The following DCAF5 variants were observed in gnomAD, a reference collection of about 807,000 sequenced individuals.
DCAF5 encodes the protein DDB1 and CUL4 associated factor 5, also known as DDB1- and CUL4-associated factor 5.
In DCAF5, 9 loss-of-function variants were observed where a neutral mutation model predicts 80.7. That is an observed-to-expected ratio of 0.11 (90% CI 0.07 to 0.19). DCAF5 has a LOEUF of 0.19. Ranked by LOEUF, DCAF5 falls within the 10% of genes least tolerant of loss-of-function variation. The pLI is 1.00. For synonymous variants in DCAF5, 433 were observed against 461.9 expected (o/e 0.94, Z 0.80); for missense variants, 842 against 1,205.7 (o/e 0.70, Z 4.47).
At position 69,091,088 on chromosome 14, in the gene DCAF5, T is replaced by C. The variant is rs760175792; in HGVS notation, c.879+586A>G. 12 of 756,846 alleles carry C rather than the reference T, an allele frequency of 1.6e-5. No homozygotes were observed. The African/African-American group carries it at 2.0e-4, about 13-fold the overall frequency. 46.9% of individuals were successfully genotyped at this position (756,846 alleles called of 1,614,324 possible). A position where few individuals can be genotyped will look rare whatever the true frequency, so the allele number is the denominator to read the frequency against. On this transcript the variant is annotated intron_variant, in intron 6 of 8. Transcript: ENST00000341516. ...CCAGCTTTAAGTCAACATCAGCATC[T>C]CCATTCCTGGTGAGACTCAGAAAAG...
At chr14:69,150,025 A>T (rs1326367432) in intron 1 of DCAF5, among the ~76,000 whole-genome samples, 2 of 152,242 alleles carry the variant, frequency 1.3e-5, no homozygotes, top group South Asian at 2.1e-4. Context: ...TCTGAAGCAA[A>T]CAGGAGGAAC....
chr14:69,080,648 C>T (rs895808293), intron 6 of DCAF5, among the ~76,000 whole-genome samples: 1 of 152,144 alleles, frequency 6.6e-6, no homozygotes, highest in Non-Finnish European at 1.5e-5. Flanking sequence ...GAGCAAAATG[C>T]TTCTGGCCTA....
chr14:69,097,672 C>T (rs1159379135), intron 5 of DCAF5, among the ~76,000 whole-genome samples: 2 of 150,956 alleles, frequency 1.3e-5, no homozygotes, highest in South Asian at 2.1e-4. Flanking sequence ...CTGCAAGTTC[C>T]GCCTCCCAGG....
At chr14:69,062,055 T>C (rs2139847924) in intron 8 of DCAF5, among the ~76,000 whole-genome samples, 1 of 152,196 alleles carries the variant, frequency 6.6e-6, no homozygotes, top group Admixed American at 6.5e-5. Flanking sequence ...CCTTTCTTTC[T>C]TCTTTTTTTA....
At chr14:69,135,925 G>C (rs2041177408) in intron 1 of DCAF5, among the ~76,000 whole-genome samples, 1 of 152,110 alleles carries the variant, frequency 6.6e-6, no homozygotes, top group Non-Finnish European at 1.5e-5. Flanking sequence ...CAAAGTTTAA[G>C]ACAGATCAAT....
intron 7 of DCAF5, among the ~76,000 whole-genome samples, chr14:69,073,662 A>G (rs2038788155): frequency 6.6e-6 from 1 of 152,140 alleles, no homozygotes; most frequent in African/African-American, 2.4e-5. Context: ...TTACAAAAAA[A>G]AGAAAAGAAA....
At chr14:69,134,988 C>T (rs2041147260) in intron 1 of DCAF5, among the ~76,000 whole-genome samples, 1 of 152,048 alleles carries the variant, frequency 6.6e-6, no homozygotes, top group Non-Finnish European at 1.5e-5. Context: ...GACTTAGCTA[C>T]AAGGATTGTG....
intron 1 of DCAF5, among the ~76,000 whole-genome samples, chr14:69,139,460 A>G (rs1032266865): frequency 6.6e-6 from 1 of 152,008 alleles, no homozygotes; most frequent in Admixed American, 6.5e-5. Flanking sequence ...TGATCATGCC[A>G]CTGCACTTTA....
At chr14:69,091,958 C>T (rs1322845257) in intron 5 of DCAF5, 71 bp from the exon 6 acceptor site, 16 of 1,322,356 alleles carry the variant, frequency 1.2e-5, no homozygotes, top group Non-Finnish European at 1.6e-5. Flanking sequence ...ACATGTTTGC[C>T]TATGACCTCC....
At chr14:69,091,592 A>G in intron 6 of DCAF5, 82 bp downstream of exon 6, 2 of 1,238,606 alleles carry the variant, frequency 1.6e-6, no homozygotes, top group Non-Finnish European at 2.3e-6. Context: ...ACATAATGGT[A>G]ATGAGAAATA....
intron 5 of DCAF5, among the ~76,000 whole-genome samples, chr14:69,112,900 T>C (rs1447216331): frequency 6.6e-6 from 1 of 152,172 alleles, no homozygotes; most frequent in Non-Finnish European, 1.5e-5. Flanking sequence ...GAGCCTATAC[T>C]TCCTACACTA....
chr14:69,069,190 A>C (rs2038585604), intron 7 of DCAF5, among the ~76,000 whole-genome samples: 1 of 152,204 alleles, frequency 6.6e-6, no homozygotes, highest in Non-Finnish European at 1.5e-5. Context: ...ATGCAGGCCC[A>C]AAAAAATGCA....
At chr14:69,125,237 G>A (rs143615117) in intron 1 of DCAF5, among the ~76,000 whole-genome samples, 176 of 152,264 alleles carry the variant, frequency 1.2e-3, no homozygotes, top group African/African-American at 4.0e-3. Flanking sequence ...GGGATTGTCC[G>A]CCTTAGTAGC....
chr14:69,114,086 G>A (rs2040462750), intron 5 of DCAF5, among the ~76,000 whole-genome samples: 1 of 152,180 alleles, frequency 6.6e-6, no homozygotes, highest in Non-Finnish European at 1.5e-5. Context: ...TAGTTCAAGT[G>A]TTGGTGAAGG....
At chr14:69,149,669 T>C (rs747924164) in intron 1 of DCAF5, among the ~76,000 whole-genome samples, 5 of 152,162 alleles carry the variant, frequency 3.3e-5, no homozygotes, top group Non-Finnish European at 7.4e-5. Flanking sequence ...ATGAAAACAA[T>C]GAACAAACTA....
At chr14:69,083,264 T>G (rs2039185075) in intron 6 of DCAF5, 1 of 153,374 alleles carries the variant, frequency 6.5e-6, no homozygotes, top group African/African-American at 2.4e-5. Flanking sequence ...CTGAGATGAC[T>G]GTTTATAGCT....
At chr14:69,100,331 A>C (rs1289413617) in intron 5 of DCAF5, among the ~76,000 whole-genome samples, 5 of 152,218 alleles carry the variant, frequency 3.3e-5, no homozygotes, top group African/African-American at 9.6e-5. Flanking sequence ...GAAAAGTATG[A>C]GAATAGGGAA....
chr14:69,108,158 G>A (rs2040228747), intron 5 of DCAF5, among the ~76,000 whole-genome samples: 1 of 152,232 alleles, frequency 6.6e-6, no homozygotes, highest in Admixed American at 6.5e-5. Context: ...TCTGAATGGA[G>A]AGATCCTTTC....
At chr14:69,129,509 A>G (rs553013746) in intron 1 of DCAF5, among the ~76,000 whole-genome samples, 43 of 152,364 alleles carry the variant, frequency 2.8e-4, no homozygotes, top group African/African-American at 9.6e-4. Context: ...GGGCTGGTGA[A>G]GCAAGGGAAA....
Sources: allele counts gnomAD v4.1 joint callset (sites outside exome capture counted in the v4.1 genomes callset), GRCh38; gene constraint gnomAD v4.1.1; transcripts MANE v1.5; gene names NCBI Gene and HGNC (gene_info 2026-07-23, HGNC 2026-07-21).